ZBTB20: variants seen among roughly 807,000 people sequenced by gnomAD.
The protein encoded by ZBTB20 is zinc finger and BTB domain containing 20.
Under a neutral mutation model 56.9 loss-of-function variants are expected in ZBTB20, and 9 were observed. That is an observed-to-expected ratio of 0.16 (90% CI 0.10 to 0.28). ZBTB20 has a LOEUF of 0.28. ZBTB20 is among the 10% of genes least tolerant of loss of function. ZBTB20 has a pLI of 1.00. For synonymous variants in ZBTB20, 417 were observed against 420.7 expected, an observed-to-expected ratio of 0.99 and a Z score of 0.11; for missense variants, 655 against 1,003.0, an observed-to-expected ratio of 0.65 and a Z score of 4.69.
Position 114,868,133 on chromosome 3 carries a change from G to A in ZBTB20, c.-417+32171C>T, listed in dbSNP as rs1013978014. Among the ~76,000 whole-genome samples the A allele has an allele frequency of 4.6e-5, 7 of 152,162 alleles. No homozygotes were observed. The South Asian group carries it at 1.0e-3, about 23-fold the overall frequency. Reference sequence around the variant, plus strand: ...TGGGACAAGAAGGAAAAGCCAATTTGATTTTTAAAGAAAATAGAAAATAAA... The same window carrying A: ...TGGGACAAGAAGGAAAAGCCAATTTAATTTTTAAAGAAAATAGAAAATAAA... On this transcript the variant is annotated intron_variant, in intron 4 of 11. Transcript: ENST00000675478.
intron 6 of ZBTB20, among the ~76,000 whole-genome samples, chr3:114,511,626 A>G (rs921557409): frequency 1.3e-5 from 2 of 152,164 alleles, no homozygotes; most frequent in African/African-American, 4.8e-5. Context: ...TTCTTAGTTC[A>G]GTGAACAGTT....
At chr3:114,428,179 C>T (rs1364075621) in intron 7 of ZBTB20, among the ~76,000 whole-genome samples, 1 of 152,068 alleles carries the variant, frequency 6.6e-6, no homozygotes, top group Non-Finnish European at 1.5e-5. Flanking sequence ...AAGTACTGTA[C>T]CATAGTGGCA....
At chr3:114,788,067 A>T (rs951972033) in intron 5 of ZBTB20, among the ~76,000 whole-genome samples, 1 of 152,170 alleles carries the variant, frequency 6.6e-6, no homozygotes, top group Non-Finnish European at 1.5e-5. Context: ...ATAAATTACC[A>T]TATTTCATAA....
chr3:114,778,244 TTAATAATAA>T (rs370933299), intron 5 of ZBTB20, among the ~76,000 whole-genome samples: 20,844 of 137,734 alleles, frequency 0.15, 2,452 homozygotes, highest in African/African-American at 0.34. Context: ...TTAAAGTATG[TTAATAATAA>T]TAATAATAAT....
chr3:114,380,060 T>C (rs928203706), intron 10 of ZBTB20, among the ~76,000 whole-genome samples, 157 bp downstream of exon 10: 1 of 152,222 alleles, frequency 6.6e-6, no homozygotes, highest in Non-Finnish European at 1.5e-5. Context: ...TGCAAACTTA[T>C]AGATATTGGC....
intron 3 of ZBTB20, among the ~76,000 whole-genome samples, chr3:114,901,870 TA>T (rs2075134363): frequency 6.6e-6 from 1 of 152,148 alleles, no homozygotes; most frequent in Non-Finnish European, 1.5e-5. Context: ...TATATCTGGA[TA>T]ATAAGACTTT....
At chr3:114,817,297 T>A (rs1687737463) in intron 4 of ZBTB20, among the ~76,000 whole-genome samples, 1 of 151,698 alleles carries the variant, frequency 6.6e-6, no homozygotes, top group African/African-American at 2.4e-5. Context: ...GGTGGGTGGA[T>A]CACCTGAGGT....
At position 114,350,539 on chromosome 3, in the gene ZBTB20, A is replaced by G. The variant is rs2080578411; in HGVS notation, c.1539T>C (p.Thr513=). Residue 513 remains threonine (T), a synonymous_variant, in exon 11 of 12, where the codon ACT becomes ACC. Transcript: ENST00000675478. The part of the protein sequence containing the change: ...AGNTYLPALF[T]TQPAGSGPKP... ...TGGGGCCACTGCCCGCGGGCTGGGT[A>G]GTGAAGAGGGCTGGCAGGTAGGTGT... 6.2e-7 allele frequency: 1 copy of G among 1,613,892 alleles called. No homozygotes were observed. Among genetic ancestry groups the G allele is most frequent in the East Asian group, 2.2e-5 (1 of 44,868 alleles).
At chr3:114,623,132 A>G (rs1347098938) in intron 6 of ZBTB20, among the ~76,000 whole-genome samples, 1 of 152,208 alleles carries the variant, frequency 6.6e-6, no homozygotes, top group African/African-American at 2.4e-5. Flanking sequence ...AAGATGGAAT[A>G]CCTCTAGAAA....
chr3:114,916,933 C>A (rs1371058014), intron 3 of ZBTB20, among the ~76,000 whole-genome samples: 1 of 152,108 alleles, frequency 6.6e-6, no homozygotes, highest in Non-Finnish European at 1.5e-5. Context: ...ATATCTTTCT[C>A]TAGGCTTGTG....
At chr3:114,595,150 C>T (rs1198164304) in intron 6 of ZBTB20, among the ~76,000 whole-genome samples, 1 of 152,198 alleles carries the variant, frequency 6.6e-6, no homozygotes, top group East Asian at 1.9e-4. Context: ...TCCATCCATG[C>T]TGCCTAGTTT....
chr3:115,046,413 C>T (rs188413310), intron 2 of ZBTB20, among the ~76,000 whole-genome samples: 158 of 152,176 alleles, frequency 1.0e-3, no homozygotes, highest in Non-Finnish European at 1.6e-4. Context: ...CAATTCCTTT[C>T]CCCCAAAATG....
chr3:114,771,252 A>G (rs1253812021), intron 5 of ZBTB20, among the ~76,000 whole-genome samples: 1 of 152,188 alleles, frequency 6.6e-6, no homozygotes, highest in African/African-American at 2.4e-5. Context: ...ATGCTTCATG[A>G]ATAACATAGT....
intron 7 of ZBTB20, among the ~76,000 whole-genome samples, chr3:114,482,424 G>C (rs955063247): frequency 6.6e-6 from 1 of 152,126 alleles, no homozygotes; most frequent in Admixed American, 6.5e-5. Context: ...TAGCAGAATG[G>C]AGGCCAAATC....
At chr3:115,091,828 A>G (rs911037817) in intron 1 of ZBTB20, among the ~76,000 whole-genome samples, 4 of 152,000 alleles carry the variant, frequency 2.6e-5, no homozygotes, top group Admixed American at 6.6e-5. Flanking sequence ...AAGGTTCTGG[A>G]GGATGAATAA....
chr3:114,589,408 A>G (rs2055515936), intron 6 of ZBTB20, among the ~76,000 whole-genome samples: 1 of 152,038 alleles, frequency 6.6e-6, no homozygotes, highest in Non-Finnish European at 1.5e-5. Flanking sequence ...AGTCACACCC[A>G]TTTCTCATTT....
intron 6 of ZBTB20, among the ~76,000 whole-genome samples, chr3:114,563,011 C>T (rs1222782473): frequency 6.6e-6 from 1 of 152,060 alleles, no homozygotes; most frequent in East Asian, 1.9e-4. Context: ...GACACAGAGA[C>T]ATGAAGTGAG....
intron 4 of ZBTB20, among the ~76,000 whole-genome samples, chr3:114,861,133 C>T (rs1289636063): frequency 6.6e-6 from 1 of 152,196 alleles, no homozygotes; most frequent in East Asian, 1.9e-4. Context: ...ATGCTTCTCT[C>T]TTTATTCTGG....
chr3:114,495,634 A>G (rs1451016130), intron 7 of ZBTB20, among the ~76,000 whole-genome samples: 5 of 152,298 alleles, frequency 3.3e-5, no homozygotes, highest in Middle Eastern at 3.4e-3. Flanking sequence ...GAGGGAGGTA[A>G]TATTCCTGGC....
Sources: allele counts gnomAD v4.1 joint callset (sites outside exome capture counted in the v4.1 genomes callset), GRCh38; gene constraint gnomAD v4.1.1; transcripts MANE v1.5; gene names NCBI Gene and HGNC (gene_info 2026-07-23, HGNC 2026-07-21).